ERC2: variants seen among roughly 807,000 people sequenced by gnomAD.
ERC2 encodes ELKS/RAB6-interacting/CAST family member 2, also known as ERC protein 2.
Under a neutral mutation model 114.8 loss-of-function variants are expected in ERC2, and 42 were observed. The ratio of observed to expected loss-of-function variants is 0.37; its 90% CI spans 0.29 to 0.47. ERC2 has a LOEUF of 0.47. Among genes scored for constraint, ERC2 ranks in the 20% least tolerant of loss-of-function variants. The probability of loss-of-function intolerance (pLI) is 0.99; values close to 1 mark genes in which losing one functional copy is unlikely to be tolerated. For synonymous variants in ERC2, 454 were observed against 425.5 expected, an observed-to-expected ratio of 1.07 and a Z score of -0.82; for missense variants, 939 against 1,150.7, an observed-to-expected ratio of 0.82 and a Z score of 2.66.
At chr3:56,009,123 T>C (rs2149567424) in intron 9 of ERC2, among the ~76,000 whole-genome samples, 1 of 152,344 alleles carries the variant, frequency 6.6e-6, no homozygotes, top group South Asian at 2.1e-4. Flanking sequence ...TTACAGCTTA[T>C]GCTCCACCAC....
intron 14 of ERC2, among the ~76,000 whole-genome samples, chr3:55,858,907 G>A (rs1310412224): frequency 6.6e-6 from 1 of 152,058 alleles, no homozygotes; most frequent in Non-Finnish European, 1.5e-5. Context: ...TCCCTTAGCC[G>A]TTCTGCTCCC....
intron 6 of ERC2, among the ~76,000 whole-genome samples, chr3:56,125,843 C>G (rs1209313899): frequency 6.6e-6 from 1 of 152,044 alleles, no homozygotes; most frequent in Non-Finnish European, 1.5e-5. Context: ...ACATGAAGTC[C>G]CAAGGTAGGT....
intron 17 of ERC2, among the ~76,000 whole-genome samples, chr3:55,521,251 T>C (rs11130476): frequency 0.29 from 44,666 of 152,056 alleles, 7,001 homozygotes; most frequent in Middle Eastern, 0.37. Context: ...TCCCTTTCCC[T>C]CTCCCCACAC....
intron 7 of ERC2, among the ~76,000 whole-genome samples, chr3:56,032,887 G>GAAAGAAAGAAAGAAAGAAAGAA (rs1366582563): frequency 3.9e-5 from 4 of 102,692 alleles, no homozygotes; most frequent in Admixed American, 1.2e-4. Context: ...AAGAAAGAAA[G>GAAAGAAAGAAAGAAAGAAAGAA]AGAGAGAGAG....
rs150528964 is a variant in ERC2 at position 56,191,950 on chromosome 3, T to C, written c.1075-18430A>G. Among the ~76,000 whole-genome samples the C allele has an allele frequency of 1.7e-4, 26 of 152,292 alleles. No homozygotes were observed. The East Asian group carries it at 4.8e-3, about 28-fold the overall frequency. On this transcript the variant is annotated intron_variant, in intron 3 of 17. Transcript: ENST00000288221. ...ATTTGCATTAGAACACTGATAACTA[T>C]AGTCAATATTTCAGGTATTAATAGT...
At chr3:55,894,044 C>T (rs570794917) in intron 13 of ERC2, among the ~76,000 whole-genome samples, 6 of 152,108 alleles carry the variant, frequency 3.9e-5, no homozygotes, top group South Asian at 2.1e-4. Flanking sequence ...ACACAAGAGG[C>T]GGAGCAGCGT....
intron 3 of ERC2, among the ~76,000 whole-genome samples, chr3:56,174,975 TAA>T (rs3052701): frequency 0.34 from 49,743 of 144,796 alleles, 9,341 homozygotes; most frequent in Middle Eastern, 0.45. Context: ...AGACTCTGTC[TAA>T]AAAAAAAAAA....
At chr3:56,326,430 C>T (rs2057365332) in intron 2 of ERC2, among the ~76,000 whole-genome samples, 1 of 152,188 alleles carries the variant, frequency 6.6e-6, no homozygotes, top group Admixed American at 6.5e-5. Context: ...TCAACCCACC[C>T]ACCCAAACAT....
intron 8 of ERC2, among the ~76,000 whole-genome samples, chr3:56,013,865 T>G (rs971528298): frequency 2.0e-5 from 3 of 152,140 alleles, no homozygotes; most frequent in Admixed American, 6.5e-5. Context: ...GAAACTGTAT[T>G]TTAAGAAACC....
chr3:55,840,490 G>C (rs935899486), intron 14 of ERC2, among the ~76,000 whole-genome samples: 1 of 151,620 alleles, frequency 6.6e-6, no homozygotes, highest in East Asian at 2.0e-4. Context: ...CCAAGTGTTG[G>C]TTAAGATTTG....
In ERC2 at chr3:56,126,835, G is replaced by A. The variant is rs377506598; in HGVS notation, c.1473+12674C>T. On this transcript the variant is annotated intron_variant, in intron 6 of 17. Coordinates refer to ENST00000288221, the MANE Select transcript of ERC2 (RefSeq NM_015576.3). ...GGAAAGGAAAGGAAAGGAAAGGAAA[G>A]GAAAGGAAAGGAAAGGAAAAGAAAG... 5.3e-5 allele frequency among the ~76,000 whole-genome samples: 8 copies of A among 150,288 alleles called. No homozygotes were observed. In the South Asian group the frequency reaches 8.4e-4, roughly 16 times the overall value.
chr3:55,757,832 G>A (rs1351507445), intron 14 of ERC2, among the ~76,000 whole-genome samples: 2 of 151,978 alleles, frequency 1.3e-5, no homozygotes, highest in Non-Finnish European at 2.9e-5. Context: ...TTCTTAGTGA[G>A]TATTAACTGT....
At chr3:55,512,334 C>CA (rs749365639) in intron 17 of ERC2, among the ~76,000 whole-genome samples, 3 of 151,898 alleles carry the variant, frequency 2.0e-5, no homozygotes, top group South Asian at 2.1e-4. Context: ...TGAATCGGGG[C>CA]AAAAAAATGA....
intron 7 of ERC2, among the ~76,000 whole-genome samples, chr3:56,058,854 TTTTC>T (rs780631156): frequency 3.9e-5 from 6 of 152,236 alleles, no homozygotes; most frequent in Admixed American, 2.0e-4. Flanking sequence ...AAACAAATCT[TTTTC>T]TTTCTTTCTT....
intron 14 of ERC2, among the ~76,000 whole-genome samples, chr3:55,785,770 GTTTGTCTT>G (rs145075574): frequency 1.0e-3 from 158 of 152,292 alleles, no homozygotes; most frequent in African/African-American, 3.8e-3. Context: ...TCAGCTCACA[GTTTGTCTT>G]TTCTCCTGCC....
intron 7 of ERC2, among the ~76,000 whole-genome samples, chr3:56,035,846 C>T (rs149625123): frequency 9.9e-4 from 150 of 152,278 alleles, no homozygotes; most frequent in African/African-American, 3.5e-3. Context: ...AAACAGAATA[C>T]TTCCAATCTC....
chr3:56,129,824 C>T (rs1436521764), intron 6 of ERC2, among the ~76,000 whole-genome samples: 2 of 152,226 alleles, frequency 1.3e-5, no homozygotes, highest in South Asian at 4.2e-4. Context: ...CACCCCAAAA[C>T]AATGGACACA....
chr3:56,340,660 A>G (rs933288098), intron 2 of ERC2, among the ~76,000 whole-genome samples: 1 of 151,796 alleles, frequency 6.6e-6, no homozygotes, highest in Admixed American at 6.6e-5. Context: ...AGCATGCATA[A>G]TCGTCTGACA....
chr3:56,151,868 A>C (rs1313704071), intron 4 of ERC2, among the ~76,000 whole-genome samples: 1 of 152,222 alleles, frequency 6.6e-6, no homozygotes, highest in Non-Finnish European at 1.5e-5. Flanking sequence ...CATATGTTGT[A>C]ACTTCCAGAA....
Sources: allele counts gnomAD v4.1 joint callset (sites outside exome capture counted in the v4.1 genomes callset), GRCh38; gene constraint gnomAD v4.1.1; transcripts MANE v1.5; gene names NCBI Gene and HGNC (gene_info 2026-07-23, HGNC 2026-07-21).